Variants in PAG1 observed in about 807,000 individuals in gnomAD.
PAG1 encodes phosphoprotein membrane anchor with glycosphingolipid microdomains 1, also known as phosphoprotein associated with glycosphingolipid-enriched microdomains 1.
In PAG1, 23 loss-of-function variants were observed where a neutral mutation model predicts 31.7. That is an observed-to-expected ratio of 0.73 (90% CI 0.52 to 1.03). PAG1 has a LOEUF of 1.03. Among genes scored for constraint, PAG1 ranks in the 50% least tolerant of loss-of-function variants. PAG1 has a pLI of 0.00. For synonymous variants in PAG1, 214 were observed against 210.3 expected (o/e 1.02, Z -0.15); for missense variants, 473 against 540.7 (o/e 0.87, Z 1.24).
chr8:81,031,261 A>T (rs1441432605), intron 2 of PAG1, among the ~76,000 whole-genome samples: 2 of 152,350 alleles, frequency 1.3e-5, no homozygotes, highest in African/African-American at 4.8e-5. Context: ...TAATAAGTTT[A>T]AAAAGATCAG....
At chr8:80,995,263 A>G (rs1807648403) in intron 3 of PAG1, among the ~76,000 whole-genome samples, 1 of 152,258 alleles carries the variant, frequency 6.6e-6, no homozygotes. Flanking sequence ...CTAAGGCTCT[A>G]TAATTATATA....
intron 1 of PAG1, among the ~76,000 whole-genome samples, chr8:81,088,989 C>CTAAA (rs536136111): frequency 1.4e-4 from 22 of 152,256 alleles, no homozygotes; most frequent in African/African-American, 5.3e-4. Context: ...ATTTAATATG[C>CTAAA]TAAATGATTT....
intron 2 of PAG1, among the ~76,000 whole-genome samples, chr8:81,035,763 A>T (rs1025306105): frequency 3.3e-5 from 5 of 152,272 alleles, no homozygotes; most frequent in Non-Finnish European, 7.4e-5. Context: ...GAAGCACTTC[A>T]TCAGTGAAGA....
At chr8:81,036,031 T>C (rs1019434980) in intron 2 of PAG1, among the ~76,000 whole-genome samples, 1 of 152,212 alleles carries the variant, frequency 6.6e-6, no homozygotes, top group Non-Finnish European at 1.5e-5. Context: ...ACTGTTCCTT[T>C]GCAATTTAAC....
chr8:81,043,412 G>T (rs976449261), intron 2 of PAG1, among the ~76,000 whole-genome samples: 1 of 152,114 alleles, frequency 6.6e-6, no homozygotes, highest in East Asian at 1.9e-4. Flanking sequence ...TACAAAAATC[G>T]AAAGAGTCTT....
chr8:81,080,976 C>G lies in PAG1; in HGVS notation c.-233-10806G>C, dbSNP rs531348641. Among the ~76,000 whole-genome samples, 39 of 152,176 alleles carry G rather than the reference C, an allele frequency of 2.6e-4. No individual in the cohort carries two copies. The East Asian group carries it at 4.4e-3, about 17-fold the overall frequency. On this transcript the variant is annotated intron_variant, in intron 1 of 8. Coordinates refer to ENST00000220597, the MANE Select transcript of PAG1 (RefSeq NM_018440.4). ...GATACTAATAGCCTATGCAGATAGG[C>G]CAAAGAGTATAGTCAGTAAGAAAGG...
At chr8:81,045,545 G>A (rs555310734) in intron 2 of PAG1, among the ~76,000 whole-genome samples, 2 of 152,162 alleles carry the variant, frequency 1.3e-5, no homozygotes, top group Non-Finnish European at 2.9e-5. Flanking sequence ...GGAAATTGGA[G>A]GTGGGGTGAC....
In PAG1 at chr8:80,991,442, G is replaced by A. The variant is rs112825771; in HGVS notation, c.177+37C>T. Reference sequence around the variant, plus strand: ...ATAAGTAGCTGATGTTCTGGAGCACGCACGGACAGACAGGCAGACGACACG... The same window carrying A: ...ATAAGTAGCTGATGTTCTGGAGCACACACGGACAGACAGGCAGACGACACG... On this transcript the variant is annotated intron_variant, in intron 5 of 8. Coordinates refer to ENST00000220597, the MANE Select transcript of PAG1 (RefSeq NM_018440.4). 2.1e-3 allele frequency: 3,302 copies of A among 1,539,352 alleles called. 73 individuals carry two copies. The African/African-American group carries it at 0.04, about 19-fold the overall frequency.
At chr8:81,050,934 G>A (rs1346221464) in intron 2 of PAG1, among the ~76,000 whole-genome samples, 1 of 152,172 alleles carries the variant, frequency 6.6e-6, no homozygotes, top group Non-Finnish European at 1.5e-5. Flanking sequence ...TAGAGAAGGT[G>A]GCCAAAGTGA....
At chr8:81,074,362 C>A (rs1230694671) in intron 1 of PAG1, among the ~76,000 whole-genome samples, 1 of 151,866 alleles carries the variant, frequency 6.6e-6, no homozygotes, top group Non-Finnish European at 1.5e-5. Context: ...AGGGTGGATG[C>A]AAAAGAATAA....
At chr8:80,980,269 C>T (rs920339780) in intron 8 of PAG1, among the ~76,000 whole-genome samples, 166 bp downstream of exon 8, 5 of 152,304 alleles carry the variant, frequency 3.3e-5, no homozygotes, top group Admixed American at 2.6e-4. Flanking sequence ...GCCCGTCAGT[C>T]TCTCCAAGCC....
chr8:81,075,117 CT>C (rs1376389878), intron 1 of PAG1, among the ~76,000 whole-genome samples: 1 of 152,352 alleles, frequency 6.6e-6, no homozygotes, highest in Middle Eastern at 3.4e-3. Flanking sequence ...CAACCAGATA[CT>C]TAGTGTCCTC....
chr8:80,993,233 G>A lies in PAG1; in HGVS notation c.-6C>T, dbSNP rs778292862. On this transcript the variant is annotated 5_prime_UTR_variant, in exon 4 of 9. Coordinates refer to ENST00000220597, the MANE Select transcript of PAG1 (RefSeq NM_018440.4). ...AGGCTCCCCGCGGGCCCCATGGCAGGAGCAGGCACTGGCACCAGCCGAGGG... is the reference window on the plus strand; with the variant it reads ...AGGCTCCCCGCGGGCCCCATGGCAGAAGCAGGCACTGGCACCAGCCGAGGG... 8.7e-6 allele frequency: 14 copies of A among 1,600,538 alleles called. No homozygotes were observed. The highest frequency in any genetic ancestry group is 2.3e-5 in the East Asian group (1 of 44,298).
intron 2 of PAG1, among the ~76,000 whole-genome samples, chr8:81,050,819 T>C (rs767204933): frequency 2.0e-5 from 3 of 152,202 alleles, no homozygotes; most frequent in Non-Finnish European, 4.4e-5. Context: ...ACATTCCTGC[T>C]GCATGAGCTG....
In PAG1 at chr8:81,061,285, A is replaced by C. The variant is rs1304574472; in HGVS notation, c.-175+8827T>G. 2.0e-5 allele frequency among the ~76,000 whole-genome samples: 3 copies of C among 152,322 alleles called. No individual in the cohort carries two copies. The East Asian group carries it at 5.8e-4, about 29-fold the overall frequency. ...ACCATCAGAGCAGAACATTCTGGCC[A>C]ATTGATCTTGAGGGTTAACACCAGC... On this transcript the variant is annotated intron_variant, in intron 2 of 8. Coordinates refer to ENST00000220597, the MANE Select transcript of PAG1 (RefSeq NM_018440.4).
At chr8:81,028,090 C>T (rs1166031505) in intron 3 of PAG1, among the ~76,000 whole-genome samples, 1 of 152,110 alleles carries the variant, frequency 6.6e-6, no homozygotes, top group Non-Finnish European at 1.5e-5. Context: ...TGCACACACA[C>T]AAGGTCCCCA....
At chr8:81,025,153 C>CT (rs386413187) in intron 3 of PAG1, among the ~76,000 whole-genome samples, 3,601 of 144,992 alleles carry the variant, frequency 0.025, 130 homozygotes, top group African/African-American at 0.076. Flanking sequence ...CGGTGGATTT[C>CT]TTTTTTTTTT....
At chr8:81,080,155 C>T (rs576949134) in intron 1 of PAG1, among the ~76,000 whole-genome samples, 5 of 152,190 alleles carry the variant, frequency 3.3e-5, no homozygotes, top group East Asian at 1.9e-4. Context: ...ATTGTAATGA[C>T]GAACACAGTG....
chr8:81,111,661 C>G lies in PAG1; in HGVS notation c.-304G>C, dbSNP rs987726799. ...GGCAGCCTCTGCAAACTCCGGCGCG[C>G]AGCGCCGCCGCCCCGGCACAGCCCG... On this transcript the variant is annotated 5_prime_UTR_variant, in exon 1 of 9. Transcript: ENST00000220597. 6 of 152,434 alleles carry G rather than the reference C, an allele frequency of 3.9e-5. No homozygotes were observed. The highest frequency in any genetic ancestry group is 2.0e-4 in the Admixed American group (3 of 15,298). 9.4% of individuals were successfully genotyped at this position (152,434 alleles called of 1,614,324 possible).
Sources: gnomAD v4.1 joint callset for allele counts (sites outside exome capture counted in the v4.1 genomes callset) on GRCh38, gnomAD v4.1.1 for gene constraint, MANE v1.5 for transcripts, NCBI Gene and HGNC (gene_info 2026-07-23, HGNC 2026-07-21) for gene names.